ZSWIM5: variants seen among roughly 807,000 people sequenced by gnomAD.
ZSWIM5 encodes the protein zinc finger SWIM-type containing 5.
A neutral mutation model predicts 119.6 loss-of-function variants in ZSWIM5; 55 were observed. The ratio of observed to expected loss-of-function variants is 0.46; its 90% CI spans 0.37 to 0.58. ZSWIM5 has a LOEUF of 0.58. Ranked by LOEUF, ZSWIM5 falls within the 20% of genes least tolerant of loss-of-function variation. The probability of loss-of-function intolerance (pLI) is 0.00; values close to 1 mark genes in which losing one functional copy is unlikely to be tolerated. For missense variants in ZSWIM5, 1,193 were observed against 1,512.8 expected, an observed-to-expected ratio of 0.79 and a Z score of 3.51; for synonymous variants, 537 against 606.9, an observed-to-expected ratio of 0.88 and a Z score of 1.69.
At chr1:45,198,940 C>T (rs1195777262) in intron 1 of ZSWIM5, among the ~76,000 whole-genome samples, 1 of 152,200 alleles carries the variant, frequency 6.6e-6, no homozygotes, top group African/African-American at 2.4e-5. Flanking sequence ...TCCCCTTATA[C>T]ACTTTCATTT....
intron 1 of ZSWIM5, among the ~76,000 whole-genome samples, chr1:45,139,348 TTC>T (rs1310427466): frequency 2.0e-5 from 3 of 151,192 alleles, no homozygotes; most frequent in Non-Finnish European, 3.0e-5. Context: ...GGTGGCTAAT[TTC>T]TCTTTCTTTT....
intron 11 of ZSWIM5, among the ~76,000 whole-genome samples, chr1:45,032,495 T>C (rs1031405624): frequency 8.6e-5 from 13 of 151,240 alleles, no homozygotes; most frequent in Non-Finnish European, 1.6e-4. Context: ...TTTGTTTTTT[T>C]TTTTTTTTTG....
chr1:45,164,549 C>G (rs1645888008), intron 1 of ZSWIM5, among the ~76,000 whole-genome samples: 1 of 152,058 alleles, frequency 6.6e-6, no homozygotes, highest in African/African-American at 2.4e-5. Flanking sequence ...AGTCAAGACC[C>G]ATCAGTGTGC....
At chr1:45,080,443 C>T (rs1383829113) in intron 2 of ZSWIM5, among the ~76,000 whole-genome samples, 2 of 152,144 alleles carry the variant, frequency 1.3e-5, no homozygotes, top group East Asian at 3.9e-4. Flanking sequence ...AGAAATGCTG[C>T]AATTTCTGTT....
At chr1:45,196,033 A>AGTTTTTTTTT (rs1229123050) in intron 1 of ZSWIM5, among the ~76,000 whole-genome samples, 1 of 110,210 alleles carries the variant, frequency 9.1e-6, no homozygotes, top group African/African-American at 3.3e-5. Flanking sequence ...ACACCCAGCT[A>AGTTTTTTTTT]GTTTTTTTTT....
At chr1:45,148,119 A>G (rs1645774045) in intron 1 of ZSWIM5, among the ~76,000 whole-genome samples, 1 of 152,216 alleles carries the variant, frequency 6.6e-6, no homozygotes, top group Admixed American at 6.5e-5. Flanking sequence ...ATCTCTGTCA[A>G]GGCCCAATGT....
chr1:45,075,643 A>AT (rs139021300), intron 2 of ZSWIM5, among the ~76,000 whole-genome samples: 9 of 151,168 alleles, frequency 6.0e-5, no homozygotes, highest in African/African-American at 2.2e-4. Flanking sequence ...ACTGGGTCTA[A>AT]TTTTTTTTTA....
chr1:45,086,392 A>G (rs1645330088), intron 2 of ZSWIM5, among the ~76,000 whole-genome samples: 1 of 152,166 alleles, frequency 6.6e-6, no homozygotes, highest in African/African-American at 2.4e-5. Flanking sequence ...AACTCAAAAA[A>G]CTTTAGAGAA....
chr1:45,096,732 C>T (rs182454942), intron 1 of ZSWIM5, among the ~76,000 whole-genome samples: 1 of 152,204 alleles, frequency 6.6e-6, no homozygotes, highest in East Asian at 1.9e-4. Flanking sequence ...TGCTTCATGC[C>T]GTTCTATGGC....
intron 2 of ZSWIM5, among the ~76,000 whole-genome samples, chr1:45,065,774 T>TG (rs770692664): frequency 6.6e-6 from 1 of 152,030 alleles, no homozygotes; most frequent in Non-Finnish European, 1.5e-5. Context: ...TACAAGGAGT[T>TG]GGTGTGATTG....
At chr1:45,197,290 C>T (rs912987567) in intron 1 of ZSWIM5, among the ~76,000 whole-genome samples, 2 of 152,176 alleles carry the variant, frequency 1.3e-5, no homozygotes, top group African/African-American at 4.8e-5. Flanking sequence ...TTTCAGAGAA[C>T]TTTTATTCAC....
intron 5 of ZSWIM5, among the ~76,000 whole-genome samples, chr1:45,044,668 G>A (rs1211272176): frequency 8.7e-6 from 1 of 114,720 alleles, no homozygotes; most frequent in African/African-American, 3.4e-5. Flanking sequence ...AGCTTGCAGT[G>A]AGCCGAGATC....
In ZSWIM5 at chr1:45,036,229, C is replaced by T; in HGVS notation, c.1965G>A (p.Glu655=). The change falls in exon 9 of 14, where the codon GAG becomes GAA. Residue 655 remains glutamate, a synonymous_variant. Coordinates refer to ENST00000359600, the MANE Select transcript of ZSWIM5 (RefSeq NM_020883.2). ...PVAAGSPNSS[E]SYLSLALEVA... ...CTTCCAGGGCCAATGACAGGTAGGA[C>T]TCACTGCTGTTTGGGGAGCCTGCAG... is the stretch of plus-strand genomic sequence containing the variant. The T allele has an allele frequency of 6.2e-7, 1 of 1,614,130 alleles. No individual in the cohort carries two copies. The highest frequency in any genetic ancestry group is 8.5e-7 in the Non-Finnish European group (1 of 1,180,036).
At position 45,040,455 on chromosome 1, in the gene ZSWIM5, T is replaced by C; in HGVS notation, c.1693A>G (p.Ile565Val). 4 of 1,612,402 alleles carry C rather than the reference T, an allele frequency of 2.5e-6. No homozygotes were observed. Among genetic ancestry groups the C allele is most frequent in the Non-Finnish European group, 3.4e-6 (4 of 1,179,266 alleles). The change falls in exon 7 of 14, where the codon ATT (isoleucine) becomes GTT (valine). Residue 565 changes from isoleucine (I) to valine (V), a missense_variant. Physicochemically the swap from Ile to Val is conservative, Grantham distance 29. Transcript: ENST00000359600. Reference protein sequence around the residue: ...PKEALRLTVAIINTLRLQQQR... With the variant: ...PKEALRLTVAVINTLRLQQQR... ...TGCTGCAACCTCAGAGTATTAATAA[T>C]GGCCACTGTGAGTCTGAGGGCCTCT...
chr1:45,182,337 G>C (rs1646025535), intron 1 of ZSWIM5, among the ~76,000 whole-genome samples: 1 of 151,444 alleles, frequency 6.6e-6, no homozygotes, highest in Non-Finnish European at 1.5e-5. Flanking sequence ...CCAGAAGGCG[G>C]AGCTTGCAGT....
chr1:45,169,652 A>T (rs1215792153), intron 1 of ZSWIM5, among the ~76,000 whole-genome samples: 1 of 152,078 alleles, frequency 6.6e-6, no homozygotes, highest in Non-Finnish European at 1.5e-5. Context: ...ACAGTTGCCT[A>T]CTATAAACAA....
At chr1:45,068,107 C>CTTTTT (rs71040545) in intron 2 of ZSWIM5, among the ~76,000 whole-genome samples, 1 of 113,286 alleles carries the variant, frequency 8.8e-6, no homozygotes, top group Non-Finnish European at 1.7e-5. Context: ...TTTTTTTTTT[C>CTTTTT]TTTTTTTTTT....
At position 45,107,873 on chromosome 1, in the gene ZSWIM5, C is replaced by A. The variant is rs185616228; in HGVS notation, c.596-19636G>T. The stretch of plus-strand genomic sequence containing the variant: ...GTAGCACAATCACAGCTTACTGCAG[C>A]CTTGATCTCCCTGGCTTGGCTTAAG... On this transcript the variant is annotated intron_variant, in intron 1 of 13. Transcript: ENST00000359600. 2.3e-3 allele frequency among the ~76,000 whole-genome samples: 356 copies of A among 152,128 alleles called. 1 individual carries two copies. Among genetic ancestry groups the A allele is most frequent in the Non-Finnish European group, 3.5e-3 (238 of 67,990 alleles).
chr1:45,019,007 G>A lies in ZSWIM5; in HGVS notation c.3005C>T (p.Thr1002Ile), dbSNP rs1199940843. The A allele has an allele frequency of 1.3e-5, 21 of 1,614,098 alleles. No individual in the cohort carries two copies. Among genetic ancestry groups the A allele is most frequent in the Non-Finnish European group, 1.7e-5 (20 of 1,180,028 alleles). ...ACGGAGCTCCATGTAGCGGGCGATGGTGAACAGCTGTGAATGGGTCATACC... is the reference window on the plus strand; with the variant it reads ...ACGGAGCTCCATGTAGCGGGCGATGATGAACAGCTGTGAATGGGTCATACC... ...AGGMTHSQLFTIARYMELRGY... is the reference protein window; with the variant it reads ...AGGMTHSQLFIIARYMELRGY... Residue 1002 changes from threonine to isoleucine, a missense_variant, in exon 14 of 14, where the codon ACC (threonine) becomes ATC (isoleucine). This residue lies in a region of ZSWIM5 where 961 missense variants were observed against 1,290.0 expected (regional missense o/e 0.74). Coordinates refer to ENST00000359600, the MANE Select transcript of ZSWIM5 (RefSeq NM_020883.2). The surrounding 1 kb of genome is among the most constrained non-coding windows in gnomAD (Gnocchi z 5.0).
Sources: allele counts gnomAD v4.1 joint callset (sites outside exome capture counted in the v4.1 genomes callset), GRCh38; gene constraint gnomAD v4.1.1; regional missense constraint gnomAD v4.1.1; non-coding constraint Gnocchi (gnomAD v3.1); transcripts MANE v1.5; gene names NCBI Gene and HGNC (gene_info 2026-07-23, HGNC 2026-07-21).